Variants in PPFIA1 observed in about 807,000 individuals in gnomAD.
PPFIA1 encodes the protein liprin-alpha-1.
A neutral mutation model predicts 149.9 loss-of-function variants in PPFIA1; 25 were observed. That is an observed-to-expected ratio of 0.17 (90% CI 0.12 to 0.23). The LOEUF is 0.23. Among genes scored for constraint, PPFIA1 ranks in the 10% least tolerant of loss-of-function variants. PPFIA1 has a pLI of 1.00. For synonymous variants in PPFIA1, 549 were observed against 552.8 expected (o/e 0.99, Z 0.10); for missense variants, 1,362 against 1,506.5 (o/e 0.90, Z 1.59).
At chr11:70,363,782 G>C (rs1018646533) in intron 21 of PPFIA1, among the ~76,000 whole-genome samples, 11 of 152,190 alleles carry the variant, frequency 7.2e-5, no homozygotes, top group African/African-American at 2.7e-4. Flanking sequence ...CCTGAGTGCT[G>C]AAATTACAGG....
intron 2 of PPFIA1, among the ~76,000 whole-genome samples, chr11:70,286,283 G>A (rs866258302): frequency 1.5e-4 from 23 of 152,056 alleles, no homozygotes; most frequent in Admixed American, 5.2e-4. Flanking sequence ...ATGGAGTCTC[G>A]TCCTGTTGCC....
chr11:70,378,211 C>A lies in PPFIA1; in HGVS notation c.3550+16C>A, dbSNP rs193302390. 3.1e-6 allele frequency: 5 copies of A among 1,605,580 alleles called. No individual in the cohort carries two copies. In the East Asian group the frequency reaches 1.1e-4, roughly 36 times the overall value. On this transcript the variant is annotated intron_variant, in intron 26 of 27. Transcript: ENST00000253925. ...CAGATGGACGGTATGTGATGGGTCACACTAACCTGTCACTTGTTGGGAGCA... is the reference window on the plus strand; with the variant it reads ...CAGATGGACGGTATGTGATGGGTCAAACTAACCTGTCACTTGTTGGGAGCA...
rs1285048270 is a variant in PPFIA1, at chr11:70,362,335, C to T, written c.2712C>T (p.Asn904=). The T allele has an allele frequency of 7.4e-6, 12 of 1,614,206 alleles. No homozygotes were observed. Among genetic ancestry groups the T allele is most frequent in the Non-Finnish European group, 1.0e-5 (12 of 1,180,044 alleles). ...PAWYVAACRA[N]VKSGAIMSAL... is the part of the protein sequence containing the mutation. The stretch of plus-strand genomic sequence containing the variant: ...GGTATGTGGCTGCCTGCCGAGCAAA[C>T]GTGAAAAGCGGGGCCATCATGTCGG... Residue 904 remains asparagine, a synonymous_variant, in exon 21 of 28, where the codon AAC becomes AAT. Coordinates refer to ENST00000253925, the MANE Select transcript of PPFIA1 (RefSeq NM_003626.5).
intron 7 of PPFIA1, 56 bp downstream of exon 7, chr11:70,326,874 T>A (rs1001984954): frequency 1.4e-6 from 2 of 1,436,314 alleles, no homozygotes; most frequent in African/African-American, 2.9e-5. Flanking sequence ...TGGGACGTTT[T>A]AGTTAAATGA....
chr11:70,316,541 A>C (rs2053638625), intron 2 of PPFIA1, among the ~76,000 whole-genome samples: 1 of 152,250 alleles, frequency 6.6e-6, no homozygotes, highest in African/African-American at 2.4e-5. Flanking sequence ...CAAGTAAAGA[A>C]AACGGGAAGA....
intron 2 of PPFIA1, among the ~76,000 whole-genome samples, chr11:70,309,187 T>C (rs1046727708): frequency 2.6e-5 from 4 of 152,104 alleles, no homozygotes; most frequent in African/African-American, 9.7e-5. Flanking sequence ...TTTTTTTTTT[T>C]GAAATGGAGT....
rs2057120285 is a variant in PPFIA1, at chr11:70,369,471, G to T, written c.2866-2744G>T. On this transcript the variant is annotated intron_variant, in intron 21 of 27. Coordinates refer to ENST00000253925, the MANE Select transcript of PPFIA1 (RefSeq NM_003626.5). ...TGGTTTTGCTCTCAGGATGATGCTG[G>T]CCTCATAGAATGAGATAAGGTGTTT... Among the ~76,000 whole-genome samples the T allele has an allele frequency of 2.0e-5, 3 of 152,164 alleles. No homozygotes were observed. In the South Asian group the frequency reaches 6.2e-4, roughly 32 times the overall value.
intron 2 of PPFIA1, chr11:70,279,021 C>A: frequency 1.9e-6 from 1 of 532,768 alleles, no homozygotes; most frequent in Non-Finnish European, 3.6e-6. Flanking sequence ...TTCTTTATCT[C>A]CACGAATGGC....
chr11:70,333,660 C>A, intron 10 of PPFIA1, 107 bp downstream of exon 10: 2 of 860,608 alleles, frequency 2.3e-6, no homozygotes, highest in Non-Finnish European at 3.8e-6. Context: ...TGTTGGTCCT[C>A]CAGCTCAGTT....
intron 7 of PPFIA1, chr11:70,327,627 G>C (rs1325694583): frequency 6.6e-6 from 1 of 152,264 alleles, no homozygotes; most frequent in Non-Finnish European, 1.5e-5. Context: ...AAAAAAATTA[G>C]CCAGGCGTGG....
chr11:70,310,865 G>C (rs751288996), intron 2 of PPFIA1, among the ~76,000 whole-genome samples: 30 of 152,108 alleles, frequency 2.0e-4, no homozygotes, highest in Non-Finnish European at 3.8e-4. Context: ...GCTGTTTGCC[G>C]TCCATCCACA....
chr11:70,367,647 G>A (rs1376030454), intron 21 of PPFIA1: 2 of 454,588 alleles, frequency 4.4e-6, no homozygotes, highest in South Asian at 3.1e-5. Flanking sequence ...TCCCTGGGAT[G>A]GAGCCTGATC....
intron 21 of PPFIA1, among the ~76,000 whole-genome samples, chr11:70,366,773 G>A (rs989643200): frequency 6.6e-5 from 10 of 152,200 alleles, no homozygotes; most frequent in African/African-American, 2.4e-4. Flanking sequence ...CGAGGTGATG[G>A]TTGAAGCAGC....
chr11:70,300,986 G>A (rs192921928), intron 2 of PPFIA1, among the ~76,000 whole-genome samples: 2 of 152,188 alleles, frequency 1.3e-5, no homozygotes, highest in Non-Finnish European at 2.9e-5. Flanking sequence ...TGGGTTTACT[G>A]TGTAAACAGG....
chr11:70,303,540 C>T (rs190983287), intron 2 of PPFIA1, among the ~76,000 whole-genome samples: 82 of 152,260 alleles, frequency 5.4e-4, no homozygotes, highest in Middle Eastern at 3.4e-3. Context: ...CATTCCTGAG[C>T]GGTGCCAAGT....
chr11:70,375,801 G>GA (rs112607936), intron 24 of PPFIA1, among the ~76,000 whole-genome samples: 300 of 121,974 alleles, frequency 2.5e-3, no homozygotes, highest in Middle Eastern at 0.014. Context: ...AAAGAAAAAG[G>GA]AAAAAAAAAA....
intron 2 of PPFIA1, among the ~76,000 whole-genome samples, chr11:70,278,147 G>A (rs1215377165): frequency 6.6e-6 from 1 of 151,704 alleles, no homozygotes; most frequent in Non-Finnish European, 1.5e-5. Flanking sequence ...TTGACCTGGT[G>A]ATCTGCCCTC....
intron 23 of PPFIA1, chr11:70,374,260 A>C (rs1213446106): frequency 6.6e-6 from 1 of 152,246 alleles, no homozygotes; most frequent in Non-Finnish European, 1.5e-5. Flanking sequence ...CCAGCTCCTC[A>C]GGAGGCTGAG....
At chr11:70,366,767 G>T (rs954129642) in intron 21 of PPFIA1, among the ~76,000 whole-genome samples, 6 of 152,206 alleles carry the variant, frequency 3.9e-5, no homozygotes, top group Non-Finnish European at 7.3e-5. Flanking sequence ...TGATTACGAG[G>T]TGATGGTTGA....
Sources: allele counts gnomAD v4.1 joint callset (sites outside exome capture counted in the v4.1 genomes callset), GRCh38; gene constraint gnomAD v4.1.1; transcripts MANE v1.5; gene names NCBI Gene and HGNC (gene_info 2026-07-23, HGNC 2026-07-21).